The following ERP44 variants were observed in gnomAD, a reference collection of about 807,000 sequenced individuals.
The protein encoded by ERP44 is endoplasmic reticulum resident protein 44.
A neutral mutation model predicts 53.4 loss-of-function variants in ERP44; 25 were observed. That is an observed-to-expected ratio of 0.47 (90% CI 0.34 to 0.65). The LOEUF (loss-of-function observed/expected upper bound fraction) is 0.65, where lower values mean the gene tolerates loss of function less well. Ranked by LOEUF, ERP44 falls within the 30% of genes least tolerant of loss-of-function variation. The pLI is 0.01. For missense variants in ERP44, 338 were observed against 493.2 expected (o/e 0.69, Z 2.98); for synonymous variants, 145 against 161.2 (o/e 0.90, Z 0.76).
At chr9:99,997,427 TAATA>T (rs1830324419) in intron 10 of ERP44, among the ~76,000 whole-genome samples, 1 of 152,234 alleles carries the variant, frequency 6.6e-6, no homozygotes, top group African/African-American at 2.4e-5. Flanking sequence ...AATTTTTATT[TAATA>T]AATGGTTAAA....
intron 9 of ERP44, among the ~76,000 whole-genome samples, chr9:100,006,975 G>A (rs1435844449): frequency 6.6e-6 from 1 of 152,188 alleles, no homozygotes; most frequent in Non-Finnish European, 1.5e-5. Flanking sequence ...GTTGATATAT[G>A]AGCCATTCTC....
intron 3 of ERP44, 37 bp downstream of exon 3, chr9:100,057,782 TA>T: frequency 6.5e-7 from 1 of 1,548,062 alleles, no homozygotes; most frequent in Non-Finnish European, 8.9e-7. Flanking sequence ...CTTTAGCAAG[TA>T]AAAACAAAAC....
At chr9:99,982,965 G>A (rs1830163026) in intron 11 of ERP44, among the ~76,000 whole-genome samples, 1 of 152,112 alleles carries the variant, frequency 6.6e-6, no homozygotes, top group Admixed American at 6.5e-5. Flanking sequence ...CATTTGCTGA[G>A]GTGTGGTGGA....
chr9:100,007,705 T>C lies in ERP44; in HGVS notation c.763-16A>G. On this transcript the variant is annotated splice_polypyrimidine_tract_variant and intron_variant, in intron 8 of 11. Transcript: ENST00000262455. Reference sequence around the variant, plus strand: ...CTGTCAATTCCTGTAGAGAGAAGCATTCAATGAGAATTATCAGGCTTCTCC... The same window carrying C: ...CTGTCAATTCCTGTAGAGAGAAGCACTCAATGAGAATTATCAGGCTTCTCC... 2 of 1,281,960 alleles carry C rather than the reference T, an allele frequency of 1.6e-6. No individual in the cohort carries two copies. Among genetic ancestry groups the C allele is most frequent in the Non-Finnish European group, 2.3e-6 (2 of 877,404 alleles). 79.4% of individuals were successfully genotyped at this position (1,281,960 alleles called of 1,614,324 possible). A position where few individuals can be genotyped will look rare whatever the true frequency, so the allele number is the denominator to read the frequency against.
chr9:100,052,343 AAAG>A (rs1174307143), intron 4 of ERP44, 71 bp downstream of exon 4: 4 of 695,838 alleles, frequency 5.7e-6, no homozygotes, highest in Non-Finnish European at 9.1e-6. Context: ...AAAGAAAAGA[AAAG>A]AAAAAATGTG....
intron 4 of ERP44, among the ~76,000 whole-genome samples, chr9:100,050,788 G>A (rs767041561): frequency 6.6e-6 from 1 of 152,180 alleles, no homozygotes; most frequent in African/African-American, 2.4e-5. Context: ...TACTAGCAAT[G>A]ATGTCAGATT....
intron 5 of ERP44, 74 bp from the exon 6 acceptor site, chr9:100,020,805 T>C: frequency 1.3e-6 from 1 of 744,930 alleles, no homozygotes; most frequent in Admixed American, 2.2e-5. Context: ...TTACCCGTTA[T>C]CTTAGTACCT....
chr9:100,067,937 G>C (rs1826240983), intron 1 of ERP44, among the ~76,000 whole-genome samples: 1 of 151,846 alleles, frequency 6.6e-6, no homozygotes, highest in Admixed American at 6.5e-5. Context: ...CGTCTGGGAA[G>C]TGAGGAGCGT....
At chr9:100,039,304 A>T (rs1386454103) in intron 4 of ERP44, among the ~76,000 whole-genome samples, 1 of 152,182 alleles carries the variant, frequency 6.6e-6, no homozygotes, top group Non-Finnish European at 1.5e-5. Flanking sequence ...CAAGTCTTAA[A>T]ACGTTCAAAA....
At chr9:99,990,993 C>A (rs571825505) in intron 10 of ERP44, among the ~76,000 whole-genome samples, 3 of 152,042 alleles carry the variant, frequency 2.0e-5, no homozygotes, top group African/African-American at 7.2e-5. Context: ...GCACCCAATA[C>A]GGGAGCATCC....
chr9:100,006,197 A>G (rs1454463888), intron 10 of ERP44, among the ~76,000 whole-genome samples: 2 of 152,228 alleles, frequency 1.3e-5, no homozygotes, highest in Non-Finnish European at 2.9e-5. Context: ...CTCAATGAAG[A>G]GCTAATTTCT....
chr9:100,017,640 A>G (rs879855672), intron 7 of ERP44, among the ~76,000 whole-genome samples: 1 of 152,262 alleles, frequency 6.6e-6, no homozygotes, highest in Non-Finnish European at 1.5e-5. Flanking sequence ...TGAAAACTAT[A>G]AATTGAAAAA....
chr9:99,989,325 G>A (rs987852449), intron 10 of ERP44, among the ~76,000 whole-genome samples: 2 of 152,160 alleles, frequency 1.3e-5, no homozygotes, highest in East Asian at 1.9e-4. Flanking sequence ...CCTCTGAGAC[G>A]AAGCTTCCAG....
chr9:100,068,539 C>T (rs866635597), intron 1 of ERP44, among the ~76,000 whole-genome samples: 161 of 142,306 alleles, frequency 1.1e-3, no homozygotes, highest in African/African-American at 4.0e-3. Context: ...GCCCCCCGCC[C>T]GGCCAGCCGC....
At chr9:100,033,055 C>T (rs4743377) in intron 4 of ERP44, among the ~76,000 whole-genome samples, 28,694 of 152,164 alleles carry the variant, frequency 0.19, 3,529 homozygotes, top group East Asian at 0.64. Flanking sequence ...GTAAAGTATA[C>T]TCCTGTGAAC....
intron 1 of ERP44, among the ~76,000 whole-genome samples, chr9:100,063,210 C>T (rs1201238614): frequency 1.3e-5 from 2 of 150,820 alleles, no homozygotes; most frequent in Non-Finnish European, 2.9e-5. Context: ...AAATAGATAA[C>T]TATTACTTTA....
At chr9:99,998,595 C>G in intron 10 of ERP44, 1 of 746,282 alleles carries the variant, frequency 1.3e-6, no homozygotes, top group Non-Finnish European at 2.5e-6. Flanking sequence ...CTGCCGTCAT[C>G]CACATGCTGT....
chr9:100,058,997 T>C (rs1024340486), intron 2 of ERP44, among the ~76,000 whole-genome samples: 1 of 152,168 alleles, frequency 6.6e-6, no homozygotes, highest in Non-Finnish European at 1.5e-5. Context: ...CCTTAAGAAA[T>C]GCAAATCTTT....
chr9:100,010,068 A>G (rs961655610), intron 8 of ERP44, among the ~76,000 whole-genome samples: 7 of 152,202 alleles, frequency 4.6e-5, no homozygotes, highest in African/African-American at 1.7e-4. Flanking sequence ...GTACATATGA[A>G]ATATTAAACT....
Sources: allele counts gnomAD v4.1 joint callset (sites outside exome capture counted in the v4.1 genomes callset), GRCh38; gene constraint gnomAD v4.1.1; transcripts MANE v1.5; gene names NCBI Gene and HGNC (gene_info 2026-07-23, HGNC 2026-07-21).